Variants in GDNF observed in about 807,000 individuals in gnomAD.
GDNF encodes glial cell line-derived neurotrophic factor.
In GDNF, 5 loss-of-function variants were observed where a neutral mutation model predicts 13.7. That is an observed-to-expected ratio of 0.36 (90% confidence interval 0.19 to 0.77). The LOEUF is 0.77. Among genes scored for constraint, GDNF ranks in the 30% least tolerant of loss-of-function variants. GDNF has a pLI of 0.51. For missense variants in GDNF, 246 were observed against 274.3 expected (o/e 0.90, Z 0.73); for synonymous variants, 122 against 112.5 (o/e 1.08, Z -0.53).
At chr5:37,820,148 A>G (rs1750081326) in intron 2 of GDNF, among the ~76,000 whole-genome samples, 1 of 152,236 alleles carries the variant, frequency 6.6e-6, no homozygotes, top group Admixed American at 6.5e-5. Context: ...CTGGGCATAT[A>G]GAAAGTTAAG....
chr5:37,821,541 C>A (rs1468865117), intron 2 of GDNF, among the ~76,000 whole-genome samples: 1 of 152,102 alleles, frequency 6.6e-6, no homozygotes, highest in Non-Finnish European at 1.5e-5. Context: ...TTTTGGAAAT[C>A]CAAAGTGCTC....
chr5:37,815,722 A>G lies in GDNF; in HGVS notation c.565T>C (p.Ser189Pro), dbSNP rs747059800. 2 of 1,613,934 alleles carry G rather than the reference A, an allele frequency of 1.2e-6. No individual in the cohort carries two copies. The highest frequency in any genetic ancestry group is 2.2e-5 in the South Asian group (2 of 91,082). The change falls in exon 3 of 3, where the codon TCG becomes CCG. Residue 189 changes from serine to proline, a missense_variant. Physicochemically the swap from Ser to Pro is moderately conservative, Grantham distance 74. Transcript: ENST00000326524. The surrounding 1 kb of genome is among the most constrained non-coding windows in gnomAD (Gnocchi z 5.0). ...TAAACCAGGTTATCATCTAAAAACG[A>G]CAGGTCATCATCAAAGGCGATGGGT... ...CRPIAFDDDLSFLDDNLVYHI... is the reference protein window; with the variant it reads ...CRPIAFDDDLPFLDDNLVYHI...
chr5:37,828,798 C>A (rs1040412350), intron 2 of GDNF, among the ~76,000 whole-genome samples: 2 of 152,222 alleles, frequency 1.3e-5, no homozygotes, highest in African/African-American at 4.8e-5. Context: ...TTAAAAGGTG[C>A]TAGGTCATTA....
At chr5:37,827,857 A>C (rs1293004859) in intron 2 of GDNF, among the ~76,000 whole-genome samples, 1 of 152,238 alleles carries the variant, frequency 6.6e-6, no homozygotes, top group Non-Finnish European at 1.5e-5. Flanking sequence ...AAGGGCTAGA[A>C]ATGACATCTG....
chr5:37,816,236 C>G, intron 2 of GDNF, 101 bp from the exon 3 acceptor site: 1 of 1,190,906 alleles, frequency 8.4e-7, no homozygotes, highest in Non-Finnish European at 1.2e-6. Flanking sequence ...AAAATTGGAC[C>G]CACAGCAAAA....
At position 37,839,090 on chromosome 5, in the gene GDNF, C is replaced by G. The variant is rs146131946; in HGVS notation, c.-27+417G>C. ...AAAACAAGCTCAATAGTAAGTTGCA[C>G]TCTTGGCAATGATAGTATCTCTGCA... is the stretch of plus-strand genomic sequence containing the variant. On this transcript the variant is annotated intron_variant, in intron 1 of 2. Transcript: ENST00000326524. The surrounding 1 kb of genome is among the most constrained non-coding windows in gnomAD (Gnocchi z 5.5). 4.2e-3 allele frequency among the ~76,000 whole-genome samples: 642 copies of G among 152,276 alleles called. 9 individuals carry two copies. Among genetic ancestry groups the G allele is most frequent in the African/African-American group, 0.015 (605 of 41,552 alleles).
intron 1 of GDNF, chr5:37,835,396 C>A: frequency 7.2e-7 from 1 of 1,388,526 alleles, no homozygotes. Context: ...ACCACTCACC[C>A]AGCCTGCCGC....
chr5:37,825,623 G>T (rs1483955927), intron 2 of GDNF, among the ~76,000 whole-genome samples: 1 of 152,184 alleles, frequency 6.6e-6, no homozygotes, highest in East Asian at 1.9e-4. Context: ...CATCCCTGTG[G>T]TGTTATCAGA....
At position 37,815,709 on chromosome 5, in the gene GDNF, T is replaced by C. The variant is rs1749895106; in HGVS notation, c.578A>G (p.Asp193Gly). 6.2e-7 allele frequency: 1 copy of C among 1,613,078 alleles called. No individual in the cohort carries two copies. The change falls in exon 3 of 3, where the codon GAT becomes GGT. Residue 193 changes from aspartate to glycine, a missense_variant. Physicochemically the swap from Asp to Gly is moderately conservative, Grantham distance 94. Transcript: ENST00000326524. The surrounding 1 kb of genome is among the most constrained non-coding windows in gnomAD (Gnocchi z 5.0). ...TCTTAGAATATGGTAAACCAGGTTA[T>C]CATCTAAAAACGACAGGTCATCATC... ...AFDDDLSFLDDNLVYHILRKH... is the reference protein window; with the variant it reads ...AFDDDLSFLDGNLVYHILRKH...
chr5:37,835,635 A>G, intron 1 of GDNF: 1 of 1,549,730 alleles, frequency 6.5e-7, no homozygotes, highest in Non-Finnish European at 8.7e-7. Flanking sequence ...ATGCTTTACC[A>G]TTGCTGTTAG....
At chr5:37,824,071 C>A in intron 2 of GDNF, 1 of 981,504 alleles carries the variant, frequency 1.0e-6, no homozygotes, top group Non-Finnish European at 1.2e-6. Context: ...CTTAAATCAT[C>A]AAGTCATCTT....
At chr5:37,823,891 G>A (rs1010255641) in intron 2 of GDNF, 4 of 181,128 alleles carry the variant, frequency 2.2e-5, no homozygotes, top group Non-Finnish European at 3.2e-5. Context: ...CTGCAAGGGA[G>A]TAGACCACCT....
At chr5:37,817,232 T>C (rs1749964676) in intron 2 of GDNF, among the ~76,000 whole-genome samples, 1 of 152,216 alleles carries the variant, frequency 6.6e-6, no homozygotes, top group Non-Finnish European at 1.5e-5. Context: ...TTTCAGTGTT[T>C]GCTTTGGCCA....
chr5:37,820,317 A>G (rs1040628539), intron 2 of GDNF, among the ~76,000 whole-genome samples: 1 of 152,238 alleles, frequency 6.6e-6, no homozygotes, highest in African/African-American at 2.4e-5. Flanking sequence ...TTATTACTAG[A>G]GTTACAATCA....
chr5:37,836,177 A>G (rs1750696904), intron 1 of GDNF, among the ~76,000 whole-genome samples: 1 of 151,062 alleles, frequency 6.6e-6, no homozygotes, highest in Non-Finnish European at 1.5e-5. Flanking sequence ...GCTCCATAAA[A>G]CGGTTCTTAG....
chr5:37,830,032 A>G (rs775493170), intron 2 of GDNF, among the ~76,000 whole-genome samples: 10 of 152,240 alleles, frequency 6.6e-5, no homozygotes, highest in South Asian at 4.1e-4. Context: ...CACAACAGAT[A>G]GATGGTGTTT....
chr5:37,819,103 C>A (rs962411633), intron 2 of GDNF, among the ~76,000 whole-genome samples: 1 of 152,192 alleles, frequency 6.6e-6, no homozygotes, highest in South Asian at 2.1e-4. Context: ...TGGAGGCCTA[C>A]GGTAACTGCT....
At chr5:37,821,882 T>A (rs922143160) in intron 2 of GDNF, among the ~76,000 whole-genome samples, 4 of 152,180 alleles carry the variant, frequency 2.6e-5, no homozygotes, top group African/African-American at 9.7e-5. Context: ...TCCAAAACAT[T>A]ACATTGGTTA....
At chr5:37,822,061 T>G (rs1750159034) in intron 2 of GDNF, among the ~76,000 whole-genome samples, 1 of 152,202 alleles carries the variant, frequency 6.6e-6, no homozygotes, top group South Asian at 2.1e-4. Context: ...TAAGTCATCC[T>G]AAGTCCCCAA....
Sources: gnomAD v4.1 joint callset for allele counts (sites outside exome capture counted in the v4.1 genomes callset) on GRCh38, gnomAD v4.1.1 for gene constraint, Gnocchi (gnomAD v3.1) non-coding constraint, MANE v1.5 for transcripts, NCBI Gene and HGNC (gene_info 2026-07-23, HGNC 2026-07-21) for gene names.